Variants in HERC6 observed in about 807,000 individuals in gnomAD.
The protein encoded by HERC6 is HECT and RLD domain containing E3 ubiquitin protein ligase family member 6.
Under a neutral mutation model 114.5 loss-of-function variants are expected in HERC6, and 101 were observed. The observed-to-expected ratio is 0.88, with a 90% CI of 0.75 to 1.04. The LOEUF is 1.04. HERC6 is among the 50% of genes least tolerant of loss of function. The pLI is 0.00. For missense variants in HERC6, 1,133 were observed against 1,230.9 expected, an observed-to-expected ratio of 0.92 and a Z score of 1.19; for synonymous variants, 408 against 436.2, an observed-to-expected ratio of 0.94 and a Z score of 0.81.
chr4:88,380,578 G>C (rs936226559), intron 1 of HERC6, among the ~76,000 whole-genome samples: 1 of 147,404 alleles, frequency 6.8e-6, no homozygotes, highest in African/African-American at 2.5e-5. Context: ...TAAACTGGGC[G>C]TGGTGGCGGG....
intron 16 of HERC6, 141 bp from the exon 17 acceptor site, chr4:88,431,021 A>G: frequency 1.4e-6 from 1 of 691,414 alleles, no homozygotes; most frequent in Non-Finnish European, 2.4e-6. Flanking sequence ...CTGAGGGAAG[A>G]CAGATTGCAA....
At chr4:88,426,635 C>T (rs1005813858) in intron 15 of HERC6, among the ~76,000 whole-genome samples, 1 of 151,608 alleles carries the variant, frequency 6.6e-6, no homozygotes, top group Non-Finnish European at 1.5e-5. Context: ...ACCCACCACA[C>T]CCAGCTAATT....
chr4:88,401,428 G>T (rs532173710), intron 8 of HERC6, among the ~76,000 whole-genome samples: 14 of 150,420 alleles, frequency 9.3e-5, no homozygotes, highest in South Asian at 2.1e-4. Context: ...GGAGGCGAAG[G>T]TTGCAGTGAG....
At chr4:88,413,504 T>C (rs1238441434) in intron 12 of HERC6, among the ~76,000 whole-genome samples, 1 of 152,208 alleles carries the variant, frequency 6.6e-6, no homozygotes, top group African/African-American at 2.4e-5. Context: ...AGCTATAAGG[T>C]ATTCATTTTA....
chr4:88,432,959 G>A (rs1242174870), intron 17 of HERC6, among the ~76,000 whole-genome samples: 4 of 151,476 alleles, frequency 2.6e-5, no homozygotes, highest in African/African-American at 7.3e-5. Flanking sequence ...GTGGTGGCAC[G>A]AGCCTGTAGT....
intron 8 of HERC6, among the ~76,000 whole-genome samples, chr4:88,402,285 A>G (rs1735587470): frequency 1.3e-5 from 2 of 152,212 alleles, no homozygotes; most frequent in Non-Finnish European, 2.9e-5. Flanking sequence ...GTGGTTTTCA[A>G]CTAGGGGTGA....
At chr4:88,425,410 C>G (rs1412124852) in intron 15 of HERC6, among the ~76,000 whole-genome samples, 1 of 152,100 alleles carries the variant, frequency 6.6e-6, no homozygotes, top group Non-Finnish European at 1.5e-5. Context: ...TAATATGTAT[C>G]TATTGTTTTC....
intron 10 of HERC6, among the ~76,000 whole-genome samples, chr4:88,407,580 A>G (rs57388387): frequency 1.3e-5 from 2 of 148,498 alleles, no homozygotes; most frequent in Non-Finnish European, 1.5e-5. Flanking sequence ...TTTTTTTTTT[A>G]ATTTTTTTGT....
intron 13 of HERC6, among the ~76,000 whole-genome samples, chr4:88,419,659 T>C (rs912748386): frequency 6.6e-6 from 1 of 152,186 alleles, no homozygotes; most frequent in Non-Finnish European, 1.5e-5. Flanking sequence ...AGTGATGTCA[T>C]TGCTGATACC....
chr4:88,390,713 C>A lies in HERC6; in HGVS notation c.498C>A (p.Phe166Leu). The change falls in exon 4 of 23, where the codon TTC (phenylalanine) becomes TTA (leucine). Residue 166 changes from phenylalanine to leucine, a missense_variant. This residue lies in a region of HERC6 where 735 missense variants were observed against 754.0 expected (regional missense o/e 0.97). Coordinates refer to ENST00000264346, the MANE Select transcript of HERC6 (RefSeq NM_017912.4). ...SHGQLGLGKEFPSQASPQRVR... is the reference protein window; with the variant it reads ...SHGQLGLGKELPSQASPQRVR... The stretch of plus-strand genomic sequence containing the variant: ...GGCAGCTGGGCTTGGGGAAGGAGTT[C>A]CCCTCCCAAGCCAGCCCGCAGAGGG... The A allele has an allele frequency of 6.2e-7, 1 of 1,613,772 alleles. No individual in the cohort carries two copies. The highest frequency in any genetic ancestry group is 8.5e-7 in the Non-Finnish European group (1 of 1,179,840).
At chr4:88,387,601 T>C (rs145507817) in intron 3 of HERC6, among the ~76,000 whole-genome samples, 18 of 152,350 alleles carry the variant, frequency 1.2e-4, no homozygotes, top group Non-Finnish European at 2.2e-4. Flanking sequence ...ATCCAGGGCA[T>C]ATCCCGTGGC....
At chr4:88,432,175 T>C (rs1288298035) in intron 17 of HERC6, among the ~76,000 whole-genome samples, 1 of 152,144 alleles carries the variant, frequency 6.6e-6, no homozygotes, top group Non-Finnish European at 1.5e-5. Context: ...TTATTTAAAA[T>C]ATTGTTTGAA....
chr4:88,436,538 G>T (rs1738765845), intron 18 of HERC6, among the ~76,000 whole-genome samples: 1 of 152,132 alleles, frequency 6.6e-6, no homozygotes. Flanking sequence ...AGCATTTGGG[G>T]TCACACCCAC....
At chr4:88,434,979 T>C (rs1738594313) in intron 17 of HERC6, among the ~76,000 whole-genome samples, 1 of 152,164 alleles carries the variant, frequency 6.6e-6, no homozygotes, top group Admixed American at 6.6e-5. Context: ...ATTAAATAAA[T>C]AAATATGGCA....
chr4:88,439,791 TA>T, intron 20 of HERC6, 82 bp from the exon 21 acceptor site: 2 of 1,270,580 alleles, frequency 1.6e-6, no homozygotes, highest in Non-Finnish European at 2.1e-6. Flanking sequence ...ATAGAAATAG[TA>T]AAAAGAACAA....
chr4:88,393,452 T>C, intron 4 of HERC6, 36 bp from the exon 5 acceptor site: 1 of 1,310,114 alleles, frequency 7.6e-7, no homozygotes, highest in Non-Finnish European at 1.1e-6. Context: ...CTGAGTCTGT[T>C]TCTTATACTC....
chr4:88,394,897 G>T lies in HERC6; in HGVS notation c.760-1118G>T, dbSNP rs375985447. 5.9e-5 allele frequency among the ~76,000 whole-genome samples: 9 copies of T among 152,214 alleles called. No homozygotes were observed. In the East Asian group the frequency reaches 1.7e-3, roughly 29 times the overall value. ...GATTCTACAGATAAAAATTATTATA[G>T]AAGCAACAAAGTAATTTTTACAGTT... is the stretch of plus-strand genomic sequence containing the variant. On this transcript the variant is annotated intron_variant, in intron 5 of 22. Transcript: ENST00000264346.
chr4:88,383,085 C>G (rs1298853848), intron 1 of HERC6, 136 bp from the exon 2 acceptor site: 25 of 1,081,390 alleles, frequency 2.3e-5, no homozygotes, highest in Non-Finnish European at 3.2e-5. Context: ...GACTTAAGGT[C>G]TTGATTCAAA....
At chr4:88,383,114 A>G (rs1269190315) in intron 1 of HERC6, 107 bp from the exon 2 acceptor site, 5 of 1,419,106 alleles carry the variant, frequency 3.5e-6, no homozygotes, top group South Asian at 1.4e-5. Context: ...GGAGGAGACA[A>G]GAAATCTGGA....
Sources: allele counts gnomAD v4.1 joint callset (sites outside exome capture counted in the v4.1 genomes callset), GRCh38; gene constraint gnomAD v4.1.1; regional missense constraint gnomAD v4.1.1; transcripts MANE v1.5; gene names NCBI Gene and HGNC (gene_info 2026-07-23, HGNC 2026-07-21).